ZNF682: variants seen among roughly 807,000 people sequenced by gnomAD.
ZNF682 encodes the protein zinc finger protein 682.
A neutral mutation model predicts 36.5 loss-of-function variants in ZNF682; 29 were observed. The ratio of observed to expected loss-of-function variants is 0.80; its 90% confidence interval spans 0.59 to 1.08. The LOEUF is 1.08. Among genes scored for constraint, ZNF682 ranks in the 50% least tolerant of loss-of-function variants. ZNF682 has a pLI of 0.00. For missense variants in ZNF682, 561 were observed against 579.7 expected (o/e 0.97, Z 0.33); for synonymous variants, 180 against 197.0 (o/e 0.91, Z 0.72).
In ZNF682 at chr19:20,006,799, C is replaced by A. The variant is rs2088226893; in HGVS notation, c.703G>T (p.Gly235Cys). Residue 235 changes from glycine to cysteine, a missense_variant, in exon 4 of 4, where the codon GGC (glycine) becomes TGC (cysteine). Transcript: ENST00000397165. ...GEKPYKCEEC[G>C]KAFNWCSSLT... ...CTCGAGCACCAGTTAAAAGCTTTGC[C>A]ACATTCTTCACATTTGTATGGTTTC... 6.2e-7 allele frequency: 1 copy of A among 1,613,950 alleles called. No homozygotes were observed.
intron 1 of ZNF682, among the ~76,000 whole-genome samples, chr19:20,037,751 T>C (rs796404423): frequency 6.6e-6 from 1 of 152,192 alleles, no homozygotes; most frequent in Non-Finnish European, 1.5e-5. Flanking sequence ...TTTTTTTCTC[T>C]CTTCACCAAT....
At chr19:20,002,450 A>C (rs1427383386), downstream of ZNF682, among the ~76,000 whole-genome samples, 1 of 152,060 alleles carries the variant, frequency 6.6e-6, no homozygotes, top group African/African-American at 2.4e-5. Flanking sequence ...GATATTTTGG[A>C]AGGCTGTGGT....
At position 20,006,872 on chromosome 19, in the gene ZNF682, A is replaced by T. The variant is rs371661644; in HGVS notation, c.630T>A (p.Phe210Leu). 2 of 1,614,034 alleles carry T rather than the reference A, an allele frequency of 1.2e-6. No individual in the cohort carries two copies. The highest frequency in any genetic ancestry group is 1.6e-4 in the Middle Eastern group (1 of 6,062). ...LCICEECGKT[F>L]KWFSYLTKHK... ...GTTTAGTAAGGTATGAGAACCACTTAAAGGTTTTGCCACATTCCTCACATA... is the reference window on the plus strand; with the variant it reads ...GTTTAGTAAGGTATGAGAACCACTTTAAGGTTTTGCCACATTCCTCACATA... Residue 210 changes from phenylalanine to leucine, a missense_variant, in exon 4 of 4, where the codon TTT (phenylalanine) becomes TTA (leucine). Coordinates refer to ENST00000397165, the MANE Select transcript of ZNF682 (RefSeq NM_033196.3).
At chr19:20,018,206 G>A (rs950123574) in intron 3 of ZNF682, among the ~76,000 whole-genome samples, 1 of 139,038 alleles carries the variant, frequency 7.2e-6, no homozygotes, top group Non-Finnish European at 1.5e-5. Flanking sequence ...CCATTCTCCC[G>A]CCTCAGCCTC....
chr19:20,012,176 A>G (rs2088295033), intron 3 of ZNF682, among the ~76,000 whole-genome samples: 1 of 152,258 alleles, frequency 6.6e-6, no homozygotes. Flanking sequence ...GCATAAAGAA[A>G]TGAGAAAAAC....
rs71172554 is a variant in ZNF682, at chr19:20,018,078, C to CT, written c.226+4925dup. Among the ~76,000 whole-genome samples the CT allele has an allele frequency of 7.6e-3, 445 of 58,672 alleles. 79 individuals carry two copies. The highest frequency in any genetic ancestry group is 0.026 in the East Asian group (42 of 1,594). The allele number at this position is 58,672 out of a possible 152,430, so 38.5% of individuals were successfully genotyped here. A position where few individuals can be genotyped will look rare whatever the true frequency, so the allele number is the denominator to read the frequency against. ...GAAATATAGTTAAGATTCTCAAATTCTTTTTTTTTTTTTTTTTTTTTTTTT... is the reference window on the plus strand; with the variant it reads ...GAAATATAGTTAAGATTCTCAAATTCTTTTTTTTTTTTTTTTTTTTTTTTTT... On this transcript the variant is annotated intron_variant, in intron 3 of 3. Coordinates refer to ENST00000397165, the MANE Select transcript of ZNF682 (RefSeq NM_033196.3).
chr19:20,039,018 C>G (rs986087877), intron 1 of ZNF682, among the ~76,000 whole-genome samples: 1 of 152,254 alleles, frequency 6.6e-6, no homozygotes, highest in African/African-American at 2.4e-5. Context: ...GCACAAACCA[C>G]ACACGGGGTC....
chr19:20,008,466 G>A (rs894452117), intron 3 of ZNF682, among the ~76,000 whole-genome samples: 1 of 152,176 alleles, frequency 6.6e-6, no homozygotes, highest in African/African-American at 2.4e-5. Flanking sequence ...AAAAATCCTG[G>A]GCTGCAGGTG....
chr19:20,011,314 G>A (rs2088286057), intron 3 of ZNF682, among the ~76,000 whole-genome samples: 1 of 152,148 alleles, frequency 6.6e-6, no homozygotes, highest in South Asian at 2.1e-4. Context: ...GCACACCCAT[G>A]TTTATAAAGC....
chr19:19,995,610 G>A (rs1428281266), downstream of ZNF682, among the ~76,000 whole-genome samples: 1 of 152,018 alleles, frequency 6.6e-6, no homozygotes, highest in African/African-American at 2.4e-5. Context: ...TCCAGGACTT[G>A]GTGACCATTG....
intron 3 of ZNF682, among the ~76,000 whole-genome samples, chr19:20,021,695 T>A (rs2088385587): frequency 6.6e-6 from 1 of 152,296 alleles, no homozygotes; most frequent in South Asian, 2.1e-4. Flanking sequence ...TGTATATGTA[T>A]ACACACCTCA....
downstream of ZNF682, among the ~76,000 whole-genome samples, chr19:19,999,536 TTTC>T: frequency 6.6e-6 from 1 of 151,508 alleles, no homozygotes; most frequent in African/African-American, 2.4e-5. Flanking sequence ...TTTTCTTTTC[TTTC>T]TTTTTTTTTT....
rs1444843867 is a variant in ZNF682 at position 20,039,325 on chromosome 19, G to T, written c.3+18C>A. 6.2e-7 allele frequency: 1 copy of T among 1,611,964 alleles called. No individual in the cohort carries two copies. The highest frequency in any genetic ancestry group is 8.5e-7 in the Non-Finnish European group (1 of 1,179,890). On this transcript the variant is annotated intron_variant, in intron 1 of 3. Coordinates refer to ENST00000397165, the MANE Select transcript of ZNF682 (RefSeq NM_033196.3). ...CAGCCCTGCCCCCACCTCGGGATGC[G>T]CGGCCTGGCACACTCACCATTTTTC...
intron 3 of ZNF682, among the ~76,000 whole-genome samples, chr19:20,011,572 T>C (rs1267924162): frequency 6.6e-6 from 1 of 152,136 alleles, no homozygotes; most frequent in Non-Finnish European, 1.5e-5. Context: ...ATTTCAAAAA[T>C]TCAGAAAAAT....
chr19:19,998,403 C>T (rs548034533), intron 3 of ZNF682, among the ~76,000 whole-genome samples: 3 of 152,162 alleles, frequency 2.0e-5, no homozygotes, highest in Non-Finnish European at 4.4e-5. Context: ...ACCACTATGG[C>T]CGCAGAGAGC....
chr19:20,006,127 C>T lies in ZNF682; in HGVS notation c.1375G>A (p.Gly459Ser). The T allele has an allele frequency of 6.2e-7, 1 of 1,613,094 alleles. No individual in the cohort carries two copies. The highest frequency in any genetic ancestry group is 8.5e-7 in the Non-Finnish European group (1 of 1,179,150). ...TGTGAGCACCGTTTAAAAGCTTTGC[C>T]ACATTCTTCACATTTATAGCGTTTG... ...AVKRYKCEEC[G>S]KAFKRCSHLN... Residue 459 changes from glycine to serine, a missense_variant, in exon 4 of 4, where the codon GGC becomes AGC. Transcript: ENST00000397165.
At chr19:20,018,134 C>A (rs1275253923) in intron 3 of ZNF682, among the ~76,000 whole-genome samples, 17 of 112,996 alleles carry the variant, frequency 1.5e-4, no homozygotes, top group African/African-American at 5.7e-4. Flanking sequence ...CGCTCTGTCG[C>A]CCAGGCTGGA....
chr19:20,038,249 C>G (rs1034440529), intron 1 of ZNF682, among the ~76,000 whole-genome samples: 1 of 150,322 alleles, frequency 6.7e-6, no homozygotes, highest in Non-Finnish European at 1.5e-5. Context: ...TGGGATTATT[C>G]TCTGCTTTCA....
At chr19:20,027,791 A>G (rs997565581) in intron 1 of ZNF682, among the ~76,000 whole-genome samples, 1 of 150,494 alleles carries the variant, frequency 6.6e-6, no homozygotes, top group Non-Finnish European at 1.5e-5. Context: ...AAAACAAAAA[A>G]AAAAAACAAA....
Sources: gnomAD v4.1 joint callset for allele counts (sites outside exome capture counted in the v4.1 genomes callset) on GRCh38, gnomAD v4.1.1 for gene constraint, MANE v1.5 for transcripts, NCBI Gene and HGNC (gene_info 2026-07-23, HGNC 2026-07-21) for gene names.